NRXN3: variants seen among roughly 807,000 people sequenced by gnomAD.
NRXN3 encodes neurexin 3.
In NRXN3, 32 loss-of-function variants were observed where a neutral mutation model predicts 137.6. The observed-to-expected ratio is 0.23, with a 90% confidence interval of 0.18 to 0.31. The LOEUF is 0.31. Among genes scored for constraint, NRXN3 ranks in the 10% least tolerant of loss-of-function variants. NRXN3 has a pLI of 1.00. For missense variants in NRXN3, 1,574 were observed against 2,062.5 expected, an observed-to-expected ratio of 0.76 and a Z score of 4.59; for synonymous variants, 798 against 784.5, an observed-to-expected ratio of 1.02 and a Z score of -0.29.
chr14:79,469,806 T>C (rs889539970), intron 16 of NRXN3, among the ~76,000 whole-genome samples: 2 of 152,200 alleles, frequency 1.3e-5, no homozygotes, highest in East Asian at 3.9e-4. Context: ...GGCCCCTTCA[T>C]GGGTCTAGTC....
intron 15 of NRXN3, among the ~76,000 whole-genome samples, chr14:79,390,662 T>C (rs1218519326): frequency 2.0e-5 from 3 of 152,208 alleles, no homozygotes; most frequent in African/African-American, 7.2e-5. Flanking sequence ...GTGGTTATTC[T>C]GAGACAATGG....
rs754141401 is a variant in NRXN3 at position 78,943,610 on chromosome 14, T to TAAAAA, written c.2276-13624_2276-13620dup. Among the ~76,000 whole-genome samples the TAAAAA allele has an allele frequency of 2.8e-3, 80 of 28,758 alleles. 4 individuals are homozygous for TAAAAA. Among genetic ancestry groups the TAAAAA allele is most frequent in the South Asian group, 3.5e-3 (2 of 576 alleles). The allele number at this position is 28,758 out of a possible 152,430, so 18.9% of individuals were successfully genotyped here. Reference sequence around the variant, plus strand: ...TTGAGAAAAGAAGCAAGATCACTGTTAAAAAAAAAAAATATATATATATAT... The same window carrying TAAAAA: ...TTGAGAAAAGAAGCAAGATCACTGTTAAAAAAAAAAAAAAAAATATATATATATAT... On this transcript the variant is annotated intron_variant, in intron 10 of 20. Coordinates refer to ENST00000335750, the MANE Select transcript of NRXN3 (RefSeq NM_001330195.2).
In NRXN3 at chr14:78,688,868, C is replaced by T. The variant is rs763911744; in HGVS notation, c.1222-20349C>T. On this transcript the variant is annotated intron_variant, in intron 6 of 20. Coordinates refer to ENST00000335750, the MANE Select transcript of NRXN3 (RefSeq NM_001330195.2). ...AAAAGTATAGAGAAAAAAGATTGAG[C>T]GCTCACATTAATAAAATCAGGAGAA... 5.1e-4 allele frequency among the ~76,000 whole-genome samples: 77 copies of T among 151,774 alleles called. 1 individual carries two copies. The highest frequency in any genetic ancestry group is 1.5e-3 in the African/African-American group (62 of 41,372).
At chr14:78,668,038 G>A (rs1255970173) in intron 6 of NRXN3, among the ~76,000 whole-genome samples, 2 of 152,100 alleles carry the variant, frequency 1.3e-5, no homozygotes, top group African/African-American at 4.8e-5. Context: ...CACCCACCTC[G>A]GTCTCCCAAA....
At chr14:79,273,226 C>T (rs1044448527) in intron 15 of NRXN3, among the ~76,000 whole-genome samples, 13 of 150,932 alleles carry the variant, frequency 8.6e-5, no homozygotes, top group African/African-American at 2.7e-4. Flanking sequence ...GTGTTTACTC[C>T]CTGCCCTGGA....
intron 4 of NRXN3, among the ~76,000 whole-genome samples, chr14:78,374,582 C>G (rs1195617356): frequency 6.6e-6 from 1 of 151,892 alleles, no homozygotes; most frequent in Non-Finnish European, 1.5e-5. Flanking sequence ...ACCAGTCTGG[C>G]CAACATGGTG....
At chr14:78,770,437 G>A (rs2098723440) in intron 8 of NRXN3, among the ~76,000 whole-genome samples, 1 of 152,134 alleles carries the variant, frequency 6.6e-6, no homozygotes, top group Non-Finnish European at 1.5e-5. Context: ...AAAGATAATG[G>A]TGTCCACTGG....
At chr14:79,457,177 G>A (rs928812434) in intron 15 of NRXN3, among the ~76,000 whole-genome samples, 2 of 152,196 alleles carry the variant, frequency 1.3e-5, no homozygotes, top group Non-Finnish European at 2.9e-5. Context: ...CAAATCACAT[G>A]ATAAATATGG....
chr14:78,881,917 G>A (rs1320608189), intron 10 of NRXN3, among the ~76,000 whole-genome samples: 3 of 151,564 alleles, frequency 2.0e-5, no homozygotes, highest in Admixed American at 6.6e-5. Context: ...AAACCTGGAG[G>A]CCTAGGAGGG....
intron 15 of NRXN3, among the ~76,000 whole-genome samples, chr14:79,209,753 A>G (rs1250628766): frequency 6.6e-6 from 1 of 152,200 alleles, no homozygotes; most frequent in African/African-American, 2.4e-5. Context: ...TTGGCACATG[A>G]AAGATGTCTA....
intron 20 of NRXN3, among the ~76,000 whole-genome samples, chr14:79,841,326 C>A (rs910821722): frequency 6.6e-6 from 1 of 152,202 alleles, no homozygotes; most frequent in African/African-American, 2.4e-5. Context: ...TGTAAGAGAA[C>A]TTACCGGCCC....
At chr14:79,372,442 C>G (rs1261525053) in intron 15 of NRXN3, among the ~76,000 whole-genome samples, 1 of 152,002 alleles carries the variant, frequency 6.6e-6, no homozygotes, top group Non-Finnish European at 1.5e-5. Flanking sequence ...GAGCTTTTCC[C>G]CAAGGAGGTG....
intron 19 of NRXN3, among the ~76,000 whole-genome samples, chr14:79,748,104 G>A (rs2098985196): frequency 6.6e-6 from 1 of 151,992 alleles, no homozygotes; most frequent in African/African-American, 2.4e-5. Context: ...TTAATACCTA[G>A]GTGATGGGTT....
intron 16 of NRXN3, among the ~76,000 whole-genome samples, chr14:79,481,546 A>T (rs1471401260): frequency 6.6e-6 from 1 of 152,212 alleles, no homozygotes; most frequent in African/African-American, 2.4e-5. Flanking sequence ...ATGCAGTGGT[A>T]TGTGTGTAGC....
At chr14:79,587,632 G>A (rs1031570504) in intron 16 of NRXN3, among the ~76,000 whole-genome samples, 17 of 152,210 alleles carry the variant, frequency 1.1e-4, no homozygotes, top group African/African-American at 3.9e-4. Flanking sequence ...AAATCTATAT[G>A]TATAAATAGA....
chr14:79,798,199 T>C (rs994165851), intron 19 of NRXN3, among the ~76,000 whole-genome samples: 2 of 151,982 alleles, frequency 1.3e-5, no homozygotes, highest in African/African-American at 4.8e-5. Flanking sequence ...AAAATCTTAA[T>C]AGATACATTT....
intron 15 of NRXN3, among the ~76,000 whole-genome samples, chr14:79,323,709 C>T (rs1284328097): frequency 1.3e-5 from 2 of 151,670 alleles, no homozygotes; most frequent in African/African-American, 2.4e-5. Context: ...AAATACAAAA[C>T]GTAGCCGGGC....
At chr14:79,798,382 T>C (rs1367815568) in intron 19 of NRXN3, among the ~76,000 whole-genome samples, 2 of 152,172 alleles carry the variant, frequency 1.3e-5, no homozygotes, top group Non-Finnish European at 2.9e-5. Flanking sequence ...TCCAACTCCA[T>C]CTCAGAATGA....
intron 15 of NRXN3, among the ~76,000 whole-genome samples, chr14:79,013,275 T>G (rs2099574081): frequency 6.6e-6 from 1 of 152,192 alleles, no homozygotes; most frequent in Non-Finnish European, 1.5e-5. Context: ...TAATAATGAC[T>G]TACACCTTAG....
Sources: gnomAD v4.1 joint callset for allele counts (sites outside exome capture counted in the v4.1 genomes callset) on GRCh38, gnomAD v4.1.1 for gene constraint, MANE v1.5 for transcripts, NCBI Gene and HGNC (gene_info 2026-07-23, HGNC 2026-07-21) for gene names.